The following ZNF385B variants were observed in gnomAD, a reference collection of about 807,000 sequenced individuals.
ZNF385B encodes zinc finger protein 385B, also known as zinc finger protein 533.
In ZNF385B, 23 loss-of-function variants were observed where a neutral mutation model predicts 39.2. The ratio of observed to expected loss-of-function variants is 0.59; its 90% CI spans 0.42 to 0.83. The LOEUF is 0.83. Among genes scored for constraint, ZNF385B ranks in the 40% least tolerant of loss-of-function variants. The pLI, the probability that ZNF385B is intolerant of heterozygous loss-of-function variation, is 0.00. For missense variants in ZNF385B, 552 were observed against 598.9 expected (o/e 0.92, Z 0.82); for synonymous variants, 205 against 222.6 (o/e 0.92, Z 0.70).
In ZNF385B at chr2:179,854,030, TATTTA is replaced by T. The variant is rs1279091142; in HGVS notation, c.-155+7066_-155+7070del. Among the ~76,000 whole-genome samples the T allele has an allele frequency of 4.6e-5, 7 of 152,314 alleles. No individual in the cohort carries two copies. In the South Asian group the frequency reaches 1.2e-3, roughly 27 times the overall value. The stretch of plus-strand genomic sequence containing the variant: ...CTAAGAACATGTGCAATGGCTAATT[TATTTA>T]AAGAAAATTTCATATATATAAAATT... On this transcript the variant is annotated intron_variant, in intron 1 of 9. Transcript: ENST00000410066.
chr2:179,584,907 G>T (rs1222130039), intron 3 of ZNF385B, among the ~76,000 whole-genome samples: 3 of 152,156 alleles, frequency 2.0e-5, no homozygotes, highest in Admixed American at 6.5e-5. Flanking sequence ...CAGTGACAAG[G>T]GAGACAGAGG....
At chr2:179,757,136 G>C (rs1703080950) in intron 3 of ZNF385B, among the ~76,000 whole-genome samples, 1 of 152,156 alleles carries the variant, frequency 6.6e-6, no homozygotes, top group African/African-American at 2.4e-5. Context: ...TACAGATGGG[G>C]TTTTGGTGTG....
Position 179,742,417 on chromosome 2 carries a change from T to C in ZNF385B, c.298+27086A>G, listed in dbSNP as rs1162803728. 5.9e-5 allele frequency among the ~76,000 whole-genome samples: 9 copies of C among 152,230 alleles called. No homozygotes were observed. The East Asian group carries it at 1.2e-3, about 20-fold the overall frequency. On this transcript the variant is annotated intron_variant, in intron 3 of 9. Coordinates refer to ENST00000410066, the MANE Select transcript of ZNF385B (RefSeq NM_152520.6). ...TGCAATACAAGACACTTAGTCCAAG[T>C]TGAATTTCAGCTAAACAACTAACAA...
intron 3 of ZNF385B, among the ~76,000 whole-genome samples, chr2:179,751,168 C>G (rs1272637388): frequency 6.6e-6 from 1 of 150,548 alleles, no homozygotes; most frequent in East Asian, 2.0e-4. Flanking sequence ...CCTCCCCACC[C>G]CCTGCCATGT....
intron 1 of ZNF385B, among the ~76,000 whole-genome samples, chr2:179,808,318 C>T (rs1706522863): frequency 6.6e-6 from 1 of 152,202 alleles, no homozygotes; most frequent in Non-Finnish European, 1.5e-5. Context: ...AGGCGTGAGC[C>T]ACCGCACCCG....
chr2:179,731,406 A>T (rs1701380683), intron 3 of ZNF385B, among the ~76,000 whole-genome samples: 2 of 151,378 alleles, frequency 1.3e-5, no homozygotes, highest in Admixed American at 6.6e-5. Flanking sequence ...AATCTTTGCC[A>T]TGTGTACTTT....
chr2:179,446,761 C>G lies in ZNF385B; in HGVS notation c.725G>C (p.Gly242Ala). 6.2e-7 allele frequency: 1 copy of G among 1,610,390 alleles called. No individual in the cohort carries two copies. Among genetic ancestry groups the G allele is most frequent in the South Asian group, 1.1e-5 (1 of 90,306 alleles). ...GNNSDKSEDK[G>A]KLKASSSSQP... Reference sequence around the variant, plus strand: ...ACTGGAACTGCTGGCTTTTAACTTCCCTTTATCTTCTAAGAGAAACACAGA... The same window carrying G: ...ACTGGAACTGCTGGCTTTTAACTTCGCTTTATCTTCTAAGAGAAACACAGA... Residue 242 changes from glycine (G) to alanine (A), a missense_variant, in exon 7 of 10, where the codon GGG (glycine) becomes GCG (alanine). Gly to Ala is a moderately conservative substitution (Grantham distance 60, BLOSUM62 0). Transcript: ENST00000410066.
At chr2:179,588,114 A>G (rs1030697919) in intron 3 of ZNF385B, among the ~76,000 whole-genome samples, 38 of 151,840 alleles carry the variant, frequency 2.5e-4, no homozygotes, top group African/African-American at 8.0e-4. Context: ...CCCAAGACAG[A>G]GTCTCGCTCT....
At chr2:179,514,490 C>T (rs537026927) in intron 5 of ZNF385B, among the ~76,000 whole-genome samples, 1 of 152,246 alleles carries the variant, frequency 6.6e-6, no homozygotes, top group Non-Finnish European at 1.5e-5. Flanking sequence ...GGCATCTTTG[C>T]CTACCACATC....
intron 6 of ZNF385B, among the ~76,000 whole-genome samples, chr2:179,455,648 T>C (rs984577732): frequency 3.3e-5 from 5 of 151,950 alleles, no homozygotes; most frequent in African/African-American, 9.7e-5. Context: ...CCCAATACTT[T>C]GGGAGGCTGA....
chr2:179,802,094 A>T (rs1354600668), intron 1 of ZNF385B, among the ~76,000 whole-genome samples: 1 of 152,082 alleles, frequency 6.6e-6, no homozygotes, highest in Non-Finnish European at 1.5e-5. Context: ...GCCTACCCCA[A>T]ATCCTTTACA....
chr2:179,610,153 T>C (rs927803666), intron 3 of ZNF385B, among the ~76,000 whole-genome samples: 2 of 152,158 alleles, frequency 1.3e-5, no homozygotes, highest in African/African-American at 4.8e-5. Flanking sequence ...TTGTCTTGGA[T>C]AGTTTCCCCT....
intron 3 of ZNF385B, chr2:179,745,895 C>G: frequency 8.0e-7 from 1 of 1,256,260 alleles, no homozygotes; most frequent in Non-Finnish European, 1.0e-6. Flanking sequence ...CCAAGCCTTC[C>G]CAGTTGCTGG....
chr2:179,750,997 A>G (rs1182785710), intron 3 of ZNF385B, among the ~76,000 whole-genome samples: 1 of 152,104 alleles, frequency 6.6e-6, no homozygotes, highest in African/African-American at 2.4e-5. Flanking sequence ...CCTTGTCTCT[A>G]AATCTGTCAT....
At chr2:179,508,044 G>A (rs868217308) in intron 5 of ZNF385B, among the ~76,000 whole-genome samples, 1 of 152,108 alleles carries the variant, frequency 6.6e-6, no homozygotes, top group African/African-American at 2.4e-5. Context: ...TGTTCTAAAC[G>A]GTATTAAATT....
chr2:179,760,223 C>CGCGCGCGCGTGT (rs11282329), intron 3 of ZNF385B, among the ~76,000 whole-genome samples: 1 of 144,476 alleles, frequency 6.9e-6, no homozygotes, highest in Admixed American at 6.9e-5. Context: ...TTCCTGTGTG[C>CGCGCGCGCGTGT]GTGTGTGTGT....
intron 5 of ZNF385B, among the ~76,000 whole-genome samples, chr2:179,505,091 T>C: frequency 6.6e-6 from 1 of 152,074 alleles, no homozygotes; most frequent in Middle Eastern, 3.2e-3. Context: ...AATCTGGGAT[T>C]TGAGGATGGT....
chr2:179,731,742 G>T (rs991542678), intron 3 of ZNF385B, among the ~76,000 whole-genome samples: 1 of 152,314 alleles, frequency 6.6e-6, no homozygotes. Context: ...AGCTGTGATT[G>T]TGCCATGGCA....
chr2:179,666,714 G>C (rs62177574), intron 3 of ZNF385B, among the ~76,000 whole-genome samples: 27,862 of 151,648 alleles, frequency 0.18, 2,979 homozygotes, highest in Admixed American at 0.24. Context: ...TTCCATTCTG[G>C]GCCAGGCCCT....
Sources: allele counts gnomAD v4.1 joint callset (sites outside exome capture counted in the v4.1 genomes callset), GRCh38; gene constraint gnomAD v4.1.1; transcripts MANE v1.5; gene names NCBI Gene and HGNC (gene_info 2026-07-23, HGNC 2026-07-21).